The following EPB41L5 variants were observed in gnomAD, a reference collection of about 807,000 sequenced individuals.
EPB41L5 encodes the protein erythrocyte membrane protein band 4.1 like 5.
Under a neutral mutation model 106.6 loss-of-function variants are expected in EPB41L5, and 55 were observed. The observed-to-expected ratio is 0.52, with a 90% CI of 0.42 to 0.65. EPB41L5 has a LOEUF of 0.65. EPB41L5 is among the 30% of genes least tolerant of loss of function. EPB41L5 has a pLI of 0.00. For synonymous variants in EPB41L5, 297 were observed against 306.7 expected, an observed-to-expected ratio of 0.97 and a Z score of 0.33; for missense variants, 871 against 882.1, an observed-to-expected ratio of 0.99 and a Z score of 0.16.
chr2:120,138,045 G>T (rs1174834006), intron 18 of EPB41L5, among the ~76,000 whole-genome samples: 1 of 151,930 alleles, frequency 6.6e-6, no homozygotes, highest in Non-Finnish European at 1.5e-5. Flanking sequence ...ATAAGGATGG[G>T]TTAGCACATG....
At chr2:120,127,951 C>A in intron 17 of EPB41L5, 100 bp downstream of exon 17, 1 of 1,127,216 alleles carries the variant, frequency 8.9e-7, no homozygotes, top group Non-Finnish European at 1.2e-6. Flanking sequence ...TGTACTAGTT[C>A]AACTTTTAAA....
chr2:120,096,070 G>A lies in EPB41L5; in HGVS notation c.1178+2794G>A, dbSNP rs74790742. 5.2e-3 allele frequency among the ~76,000 whole-genome samples: 797 copies of A among 152,062 alleles called. 4 individuals are homozygous for A. The highest frequency in any genetic ancestry group is 0.019 in the African/African-American group (767 of 41,380). On this transcript the variant is annotated intron_variant, in intron 14 of 24. Transcript: ENST00000263713. ...TGTATTAGAGTCTCCTAGAATGCCT[G>A]TTAAAGATAAGATTCAGACCATACC... is the stretch of plus-strand genomic sequence containing the variant.
At chr2:120,132,063 G>C (rs1400720497) in intron 18 of EPB41L5, among the ~76,000 whole-genome samples, 1 of 152,066 alleles carries the variant, frequency 6.6e-6, no homozygotes, top group Non-Finnish European at 1.5e-5. Flanking sequence ...GCTGCTCTGT[G>C]GTATAAACAA....
At chr2:120,160,056 A>C (rs1208783310) in intron 20 of EPB41L5, among the ~76,000 whole-genome samples, 1 of 152,188 alleles carries the variant, frequency 6.6e-6, no homozygotes, top group Non-Finnish European at 1.5e-5. Context: ...CAGACAGTGG[A>C]GCCTGTTAGA....
intron 14 of EPB41L5, among the ~76,000 whole-genome samples, chr2:120,096,769 G>A (rs1014879913): frequency 4.6e-5 from 7 of 152,146 alleles, no homozygotes; most frequent in Non-Finnish European, 8.8e-5. Context: ...TAGCCCGGGT[G>A]ATAGAGCAAG....
chr2:120,152,109 G>A (rs1167695034), intron 20 of EPB41L5, among the ~76,000 whole-genome samples: 1 of 152,160 alleles, frequency 6.6e-6, no homozygotes, highest in African/African-American at 2.4e-5. Context: ...TTCCTGAAAG[G>A]GATAAAGGGA....
intron 2 of EPB41L5, among the ~76,000 whole-genome samples, chr2:120,028,150 C>T (rs1024085048): frequency 1.3e-5 from 2 of 152,148 alleles, no homozygotes; most frequent in Non-Finnish European, 2.9e-5. Flanking sequence ...AGGCGTGAGC[C>T]ACCGCGCCCG....
At chr2:120,042,203 A>T in intron 3 of EPB41L5, 93 bp downstream of exon 3, 5 of 933,596 alleles carry the variant, frequency 5.4e-6, no homozygotes, top group Non-Finnish European at 8.5e-6. Context: ...CCTATTCTTG[A>T]TGTGTTATTG....
intron 10 of EPB41L5, among the ~76,000 whole-genome samples, chr2:120,084,928 A>G (rs1239092717): frequency 6.6e-6 from 1 of 152,130 alleles, no homozygotes; most frequent in African/African-American, 2.4e-5. Context: ...CAGCTACTGA[A>G]GCTTGTGCAT....
intron 6 of EPB41L5, 40 bp downstream of exon 6, chr2:120,075,560 G>T: frequency 6.8e-7 from 1 of 1,471,400 alleles, no homozygotes; most frequent in Non-Finnish European, 9.5e-7. Flanking sequence ...ACATTTTCGT[G>T]AGTGGTTGAA....
chr2:120,116,483 C>T (rs1041265329), intron 16 of EPB41L5, among the ~76,000 whole-genome samples: 2 of 151,984 alleles, frequency 1.3e-5, no homozygotes, highest in African/African-American at 2.4e-5. Flanking sequence ...AATAATGTTT[C>T]TTGCCAAAAG....
chr2:120,060,971 T>C (rs2105280510), intron 3 of EPB41L5, among the ~76,000 whole-genome samples: 1 of 151,080 alleles, frequency 6.6e-6, no homozygotes, highest in Non-Finnish European at 1.5e-5. Context: ...TATATATCTG[T>C]GCTTGGTGAA....
At chr2:120,043,650 A>G (rs988674603) in intron 3 of EPB41L5, among the ~76,000 whole-genome samples, 3 of 151,666 alleles carry the variant, frequency 2.0e-5, no homozygotes, top group African/African-American at 4.8e-5. Flanking sequence ...AGGCGAGAGG[A>G]TCCCTTGAGC....
chr2:120,085,358 G>A (rs968911857), intron 10 of EPB41L5, among the ~76,000 whole-genome samples: 2 of 152,200 alleles, frequency 1.3e-5, no homozygotes, highest in African/African-American at 4.8e-5. Context: ...GTCTGTTGGA[G>A]TTTGCTGGAG....
intron 3 of EPB41L5, among the ~76,000 whole-genome samples, chr2:120,063,787 T>C (rs1056375261): frequency 1.3e-5 from 2 of 151,422 alleles, no homozygotes; most frequent in Non-Finnish European, 3.0e-5. Context: ...TTAAAAATAA[T>C]AAAAATTAGC....
intron 3 of EPB41L5, among the ~76,000 whole-genome samples, chr2:120,071,949 A>T (rs1242643417): frequency 6.6e-6 from 1 of 152,250 alleles, no homozygotes; most frequent in Non-Finnish European, 1.5e-5. Flanking sequence ...TAAACTAAAG[A>T]GCTTCTGCAC....
intron 5 of EPB41L5, among the ~76,000 whole-genome samples, chr2:120,074,552 CT>C (rs1422424277): frequency 1.3e-5 from 2 of 152,094 alleles, no homozygotes; most frequent in African/African-American, 4.8e-5. Flanking sequence ...TGGCGCCCAA[CT>C]TTCTTTACTC....
intron 18 of EPB41L5, among the ~76,000 whole-genome samples, chr2:120,138,917 A>G (rs1686052044): frequency 2.0e-5 from 3 of 151,988 alleles, no homozygotes; most frequent in Admixed American, 6.6e-5. Flanking sequence ...AACTCATAGT[A>G]CCTGACTTCA....
At position 120,019,251 on chromosome 2, in the gene EPB41L5, G is replaced by T; in HGVS notation, c.167G>T (p.Ser56Ile). ...RVSLLDGTDV[S>I]VDLPKKAKGQ... Reference sequence around the variant, plus strand: ...TCCCTTCTGGATGGTACTGATGTTAGTGTGGACTTGCCAGTAAGTAGGTCT... The same window carrying T: ...TCCCTTCTGGATGGTACTGATGTTATTGTGGACTTGCCAGTAAGTAGGTCT... Residue 56 changes from serine to isoleucine, a missense_variant, in exon 2 of 25, where the codon AGT becomes ATT. Ser to Ile is a moderately radical substitution (Grantham distance 142). Coordinates refer to ENST00000263713, the MANE Select transcript of EPB41L5 (RefSeq NM_020909.4). 2 of 1,608,122 alleles carry T rather than the reference G, an allele frequency of 1.2e-6. No homozygotes were observed. The highest frequency in any genetic ancestry group is 2.2e-5 in the South Asian group (2 of 90,292).
Sources: allele counts gnomAD v4.1 joint callset (sites outside exome capture counted in the v4.1 genomes callset), GRCh38; gene constraint gnomAD v4.1.1; transcripts MANE v1.5; gene names NCBI Gene and HGNC (gene_info 2026-07-23, HGNC 2026-07-21).